The following RASSF3 variants were observed in gnomAD, a reference collection of about 807,000 sequenced individuals.
RASSF3 encodes the protein ras association domain-containing protein 3.
In RASSF3, 19 loss-of-function variants were observed where a neutral mutation model predicts 19.9. The ratio of observed to expected loss-of-function variants is 0.96; its 90% confidence interval spans 0.67 to 1.40. RASSF3 has a LOEUF of 1.40. Among genes scored for constraint, RASSF3 ranks in the 40% most tolerant of loss-of-function variants. The probability of loss-of-function intolerance (pLI) is 0.00; values close to 1 mark genes in which losing one functional copy is unlikely to be tolerated. For synonymous variants in RASSF3, 110 were observed against 104.2 expected (o/e 1.06, Z -0.34); for missense variants, 306 against 289.8 (o/e 1.06, Z -0.41).
chr12:64,546,648 T>C (rs1343122867), downstream of RASSF3, among the ~76,000 whole-genome samples: 1 of 152,228 alleles, frequency 6.6e-6, no homozygotes, highest in Non-Finnish European at 1.5e-5. Flanking sequence ...TTTTTTCTTA[T>C]TGGCTTTAAA....
At chr12:64,596,683 A>G (rs1260170716) in intron 2 of RASSF3, among the ~76,000 whole-genome samples, 1 of 152,046 alleles carries the variant, frequency 6.6e-6, no homozygotes, top group Non-Finnish European at 1.5e-5. Context: ...CCCTGACTCC[A>G]CTAGTTCCCA....
Position 64,516,029 on chromosome 12 carries a change from CA to C in RASSF3, c.169+8702del, listed in dbSNP as rs1222896255. Reference sequence around the variant, plus strand: ...ACTGGAAAATATTTTATGATATTTTCAATATATGTTGTATGGTATTTTCAAT... The same window carrying C: ...ACTGGAAAATATTTTATGATATTTTCATATATGTTGTATGGTATTTTCAAT... On this transcript the variant is annotated intron_variant, in intron 1 of 5. Coordinates refer to the RASSF3 transcript ENST00000637125. Among the ~76,000 whole-genome samples the C allele has an allele frequency of 4.6e-5, 7 of 151,348 alleles. No homozygotes were observed. The East Asian group carries it at 9.6e-4, about 21-fold the overall frequency.
chr12:64,530,721 A>G (rs915158658), upstream of RASSF3, among the ~76,000 whole-genome samples: 3 of 152,160 alleles, frequency 2.0e-5, no homozygotes, highest in African/African-American at 7.2e-5. Flanking sequence ...CCACATCCTC[A>G]CCAAAATGTG....
intron 1 of RASSF3, among the ~76,000 whole-genome samples, chr12:64,641,532 A>G (rs1871530156): frequency 1.3e-5 from 2 of 151,288 alleles, no homozygotes; most frequent in South Asian, 2.1e-4. Context: ...GTGGTGGCTC[A>G]TGCCTGTAAT....
At chr12:64,668,348 C>G (rs551596342) in intron 1 of RASSF3, among the ~76,000 whole-genome samples, 1 of 151,752 alleles carries the variant, frequency 6.6e-6, no homozygotes, top group Non-Finnish European at 1.5e-5. Context: ...GCACAATCTC[C>G]GTTCACTGTA....
downstream of RASSF3, among the ~76,000 whole-genome samples, chr12:64,542,900 C>T (rs112903038): frequency 3.5e-3 from 538 of 152,272 alleles, 3 homozygotes; most frequent in African/African-American, 0.012. Context: ...AGGCCGGAGG[C>T]GGCTCCCTCA....
intron 2 of RASSF3, among the ~76,000 whole-genome samples, chr12:64,555,253 T>A (rs1050675415): frequency 3.3e-5 from 5 of 150,602 alleles, no homozygotes; most frequent in East Asian, 2.0e-4. Context: ...AAAAAAAAAA[T>A]TTGATTCTAG....
At chr12:64,540,145 G>T (rs10506538) in intron 1 of RASSF3, among the ~76,000 whole-genome samples, 13,716 of 152,172 alleles carry the variant, frequency 0.09, 736 homozygotes, top group Middle Eastern at 0.21. Context: ...GCAGGCTAAT[G>T]GCTTCATTTT....
At chr12:64,535,995 C>CTTTT (rs11312626) in intron 1 of RASSF3, among the ~76,000 whole-genome samples, 1 of 104,488 alleles carries the variant, frequency 9.6e-6, no homozygotes, top group Non-Finnish European at 1.9e-5. Flanking sequence ...CCTGTTTTCA[C>CTTTT]TTTTTTTTTT....
chr12:64,668,020 G>A (rs1409802274), intron 1 of RASSF3, among the ~76,000 whole-genome samples: 1 of 152,226 alleles, frequency 6.6e-6, no homozygotes, highest in Non-Finnish European at 1.5e-5. Context: ...AGTAGAAAGG[G>A]CATGGTTATG....
chr12:64,615,509 T>C (rs952759440), intron 1 of RASSF3, among the ~76,000 whole-genome samples: 1 of 152,216 alleles, frequency 6.6e-6, no homozygotes, highest in East Asian at 1.9e-4. Flanking sequence ...CTCTTTCTTA[T>C]TCAAATATTT....
intron 1 of RASSF3, among the ~76,000 whole-genome samples, chr12:64,671,806 G>A (rs1284087174): frequency 6.6e-6 from 1 of 152,176 alleles, no homozygotes; most frequent in East Asian, 1.9e-4. Flanking sequence ...GCAGCAGAGG[G>A]GTATCTTTCT....
intron 2 of RASSF3, among the ~76,000 whole-genome samples, chr12:64,574,386 G>A (rs1869565370): frequency 6.6e-6 from 1 of 151,786 alleles, no homozygotes; most frequent in Non-Finnish European, 1.5e-5. Context: ...ACTAGAAATG[G>A]GAGCAATTGT....
chr12:64,550,143 TTTCTC>T (rs1355137918), intron 2 of RASSF3, among the ~76,000 whole-genome samples: 2 of 152,156 alleles, frequency 1.3e-5, no homozygotes, highest in African/African-American at 4.8e-5. Flanking sequence ...TGCCCTCTCT[TTTCTC>T]TTTTCCTACT....
chr12:64,668,256 T>TTTCTTCTTCTTC (rs139462401), intron 1 of RASSF3, among the ~76,000 whole-genome samples: 33,999 of 148,652 alleles, frequency 0.23, 4,579 homozygotes, highest in Non-Finnish European at 0.31. Flanking sequence ...TACCAATCCT[T>TTTCTTCTTCTTC]TTCTTCTTCT....
chr12:64,681,725 C>G (rs1873133665), intron 1 of RASSF3, among the ~76,000 whole-genome samples: 1 of 152,186 alleles, frequency 6.6e-6, no homozygotes, highest in Non-Finnish European at 1.5e-5. Flanking sequence ...TTTAAAACTT[C>G]ATTGGGGCTC....
intron 1 of RASSF3, among the ~76,000 whole-genome samples, chr12:64,635,680 A>C (rs958735265): frequency 1.3e-5 from 2 of 152,208 alleles, no homozygotes; most frequent in African/African-American, 4.8e-5. Context: ...CTGGTGTGAG[A>C]GCACAGGCTT....
upstream of RASSF3, among the ~76,000 whole-genome samples, chr12:64,608,607 T>C (rs866740468): frequency 6.6e-6 from 1 of 152,238 alleles, no homozygotes; most frequent in South Asian, 2.1e-4. Flanking sequence ...CAATAAAGCA[T>C]TTTAATGCAT....
chr12:64,665,625 TC>T (rs1409717099), intron 1 of RASSF3, among the ~76,000 whole-genome samples: 2 of 152,146 alleles, frequency 1.3e-5, no homozygotes, highest in Non-Finnish European at 2.9e-5. Context: ...ACCACCCCTT[TC>T]CATGGCAACA....
Sources: allele counts gnomAD v4.1 joint callset (sites outside exome capture counted in the v4.1 genomes callset), GRCh38; gene constraint gnomAD v4.1.1; transcripts MANE v1.5; gene names NCBI Gene and HGNC (gene_info 2026-07-23, HGNC 2026-07-21).